PPP1R14C: variants seen among roughly 807,000 people sequenced by gnomAD.
The protein encoded by PPP1R14C is protein phosphatase 1 regulatory inhibitor subunit 14C.
A neutral mutation model predicts 20.4 loss-of-function variants in PPP1R14C; 16 were observed. The ratio of observed to expected loss-of-function variants is 0.78; its 90% CI spans 0.53 to 1.19. The LOEUF is 1.19. PPP1R14C is among the 50% of genes most tolerant of loss of function. The probability of loss-of-function intolerance (pLI) is 0.00; values close to 1 mark genes in which losing one functional copy is unlikely to be tolerated. For missense variants in PPP1R14C, 211 were observed against 220.1 expected (o/e 0.96, Z 0.26); for synonymous variants, 91 against 91.0 (o/e 1.00, Z 0.00).
chr6:150,155,764 C>T (rs1330399739), intron 1 of PPP1R14C, among the ~76,000 whole-genome samples: 1 of 152,014 alleles, frequency 6.6e-6, no homozygotes, highest in Non-Finnish European at 1.5e-5. Flanking sequence ...GTGGCTCACA[C>T]CTGTAATCCC....
rs559838594 is a variant in PPP1R14C, at chr6:150,169,096, C to T, written c.306+25598C>T. On this transcript the variant is annotated intron_variant, in intron 1 of 3. Transcript: ENST00000361131. ...TTCACCATGTTGCCCAGGGTGGTCT[C>T]GAACTCCTGAGCTCAGGCGATCCAC... 4.6e-5 allele frequency among the ~76,000 whole-genome samples: 7 copies of T among 152,296 alleles called. No homozygotes were observed. In the East Asian group the frequency reaches 7.7e-4, roughly 17 times the overall value.
chr6:150,246,409 A>G (rs1778493805), intron 3 of PPP1R14C, among the ~76,000 whole-genome samples: 1 of 152,202 alleles, frequency 6.6e-6, no homozygotes, highest in Non-Finnish European at 1.5e-5. Flanking sequence ...GCAGAATACT[A>G]TGTATTGGTT....
chr6:150,240,436 A>G (rs1778418265), intron 3 of PPP1R14C, among the ~76,000 whole-genome samples: 1 of 152,242 alleles, frequency 6.6e-6, no homozygotes, highest in Admixed American at 6.5e-5. Flanking sequence ...GGGCTGGAGC[A>G]AGTGGCTCAA....
At chr6:150,206,872 G>GTTT (rs397962811) in intron 1 of PPP1R14C, among the ~76,000 whole-genome samples, 53 of 146,598 alleles carry the variant, frequency 3.6e-4, no homozygotes, top group African/African-American at 1.3e-3. Flanking sequence ...TTCTGTTTTT[G>GTTT]TTTTTTTTTT....
Position 150,234,332 on chromosome 6 carries a change from C to T in PPP1R14C, c.424-14414C>T, listed in dbSNP as rs776706665. ...CTTTAGAAAACTGTGGGGAGGGGGG[C>T]GGTTTAGAAAAAGTTGAGCATACAC... On this transcript the variant is annotated intron_variant, in intron 3 of 3. Coordinates refer to ENST00000361131, the MANE Select transcript of PPP1R14C (RefSeq NM_030949.3). 6.8e-4 allele frequency among the ~76,000 whole-genome samples: 103 copies of T among 151,788 alleles called. 1 individual carries two copies. Among genetic ancestry groups the T allele is most frequent in the African/African-American group, 2.4e-3 (98 of 41,300 alleles).
Position 150,143,790 on chromosome 6 carries a change from C to T in PPP1R14C, c.306+292C>T, listed in dbSNP as rs907423621. 8.5e-5 allele frequency among the ~76,000 whole-genome samples: 13 copies of T among 152,116 alleles called. No homozygotes were observed. The highest frequency in any genetic ancestry group is 2.9e-4 in the African/African-American group (12 of 41,422). On this transcript the variant is annotated intron_variant, in intron 1 of 3. Transcript: ENST00000361131. This position sits in a 1 kb window ranked among gnomAD's most constrained non-coding sequence, Gnocchi z 5.6. ...GAGCACAGTGCTTTTCTCCGAGCTC[C>T]GGGCGCCTCTGGGCTCCAGCTGCAG...
At chr6:150,193,531 G>A (rs1429290983) in intron 1 of PPP1R14C, among the ~76,000 whole-genome samples, 2 of 152,048 alleles carry the variant, frequency 1.3e-5, no homozygotes, top group East Asian at 1.9e-4. Context: ...GAAAGAGATC[G>A]GAAATGAGAA....
chr6:150,248,964 G>C lies in PPP1R14C; in HGVS notation c.*144G>C, dbSNP rs113912908. 8 of 494,140 alleles carry C rather than the reference G, an allele frequency of 1.6e-5. No homozygotes were observed. The Admixed American group carries it at 2.9e-4, about 18-fold the overall frequency. The allele number at this position is 494,140 out of a possible 1,614,324, so 30.6% of individuals were successfully genotyped here. A position where few individuals can be genotyped will look rare whatever the true frequency, so the allele number is the denominator to read the frequency against. ...TTCTTTTTTGGTGTGAAGGTGGGGG[G>C]GTCTATTAGACATTTATTCAAGAGC... On this transcript the variant is annotated 3_prime_UTR_variant, in exon 4 of 4. Coordinates refer to ENST00000361131, the MANE Select transcript of PPP1R14C (RefSeq NM_030949.3).
chr6:150,151,137 G>A (rs1308882681), intron 1 of PPP1R14C, among the ~76,000 whole-genome samples: 1 of 151,856 alleles, frequency 6.6e-6, no homozygotes, highest in Non-Finnish European at 1.5e-5. Context: ...GACAACGTGT[G>A]ACTCTGTATT....
intron 1 of PPP1R14C, chr6:150,196,189 T>G (rs1310479185): frequency 1.1e-6 from 1 of 909,952 alleles, no homozygotes; most frequent in African/African-American, 1.8e-5. Context: ...TGGAACAGCC[T>G]AGAAACTGGC....
chr6:150,151,418 T>A (rs950930694), intron 1 of PPP1R14C, among the ~76,000 whole-genome samples: 1 of 152,188 alleles, frequency 6.6e-6, no homozygotes, highest in African/African-American at 2.4e-5. Context: ...TTGTTGATGC[T>A]CCTACAGCTC....
chr6:150,181,731 G>T (rs1017722506), intron 1 of PPP1R14C, among the ~76,000 whole-genome samples: 2 of 152,168 alleles, frequency 1.3e-5, no homozygotes, highest in African/African-American at 4.8e-5. Context: ...AAGCTGTTAG[G>T]TTTGCTTTGA....
intron 1 of PPP1R14C, among the ~76,000 whole-genome samples, chr6:150,156,564 G>A (rs6557340): frequency 6.6e-6 from 1 of 152,074 alleles, no homozygotes; most frequent in African/African-American, 2.4e-5. Flanking sequence ...TTTCAGATTG[G>A]CAGAGATAGC....
rs953418229 is a variant in PPP1R14C at position 150,201,499 on chromosome 6, G to A, written c.307-13245G>A. 6.6e-6 allele frequency among the ~76,000 whole-genome samples: 1 copy of A among 152,184 alleles called. No homozygotes were observed. Among genetic ancestry groups the A allele is most frequent in the Non-Finnish European group, 1.5e-5 (1 of 68,042 alleles). The stretch of plus-strand genomic sequence containing the variant: ...TCCTGAGGGATCGGAGGAGACCAGC[G>A]GAGTTAGAGCTCAGGGAGTTGGGGT... On this transcript the variant is annotated intron_variant, in intron 1 of 3. Coordinates refer to ENST00000361131, the MANE Select transcript of PPP1R14C (RefSeq NM_030949.3). The surrounding 1 kb of genome is among the most constrained non-coding windows in gnomAD (Gnocchi z 4.2).
At chr6:150,187,247 C>CTGTGTGTGTGTGTG (rs61153538) in intron 1 of PPP1R14C, among the ~76,000 whole-genome samples, 83 of 141,590 alleles carry the variant, frequency 5.9e-4, no homozygotes, top group East Asian at 5.7e-3. Flanking sequence ...TTCTCTTTCT[C>CTGTGTGTGTGTGTG]TGTGTGTGTG....
At chr6:150,167,886 T>G (rs1174408788) in intron 1 of PPP1R14C, among the ~76,000 whole-genome samples, 1 of 85,516 alleles carries the variant, frequency 1.2e-5, no homozygotes, top group Non-Finnish European at 2.3e-5. Context: ...ATAGAACCCT[T>G]GTTTTCCTTG....
At chr6:150,197,843 G>A (rs1777825764) in intron 1 of PPP1R14C, among the ~76,000 whole-genome samples, 1 of 135,410 alleles carries the variant, frequency 7.4e-6, no homozygotes, top group Admixed American at 7.1e-5. Flanking sequence ...GGGCCTGGAT[G>A]CCCGGCTTTG....
At chr6:150,213,641 T>C (rs1026589590) in intron 1 of PPP1R14C, among the ~76,000 whole-genome samples, 2 of 152,220 alleles carry the variant, frequency 1.3e-5, no homozygotes, top group African/African-American at 2.4e-5. Context: ...TGCAGGACTC[T>C]CTTAAATGCT....
intron 1 of PPP1R14C, chr6:150,194,632 C>T (rs1396912185): frequency 1.0e-6 from 1 of 984,900 alleles, no homozygotes; most frequent in East Asian, 1.1e-4. Flanking sequence ...ACCACCTTGG[C>T]TTCTGACTAC....
Sources: allele counts gnomAD v4.1 joint callset (sites outside exome capture counted in the v4.1 genomes callset), GRCh38; gene constraint gnomAD v4.1.1; non-coding constraint Gnocchi (gnomAD v3.1); transcripts MANE v1.5; gene names NCBI Gene and HGNC (gene_info 2026-07-23, HGNC 2026-07-21).